The following TNKS variants were observed in gnomAD, a reference collection of about 807,000 sequenced individuals.
TNKS encodes tankyrase.
TNKS carries 72 observed loss-of-function variants against 135.8 expected under a neutral mutation model. That is an observed-to-expected ratio of 0.53 (90% CI 0.44 to 0.64). TNKS has a LOEUF of 0.64. TNKS is among the 30% of genes least tolerant of loss of function. The pLI, the probability that TNKS is intolerant of heterozygous loss-of-function variation, is 0.00. For missense variants in TNKS, 1,769 were observed against 1,674.0 expected (o/e 1.06, Z -0.99); for synonymous variants, 849 against 649.3 (o/e 1.31, Z -4.68).
At chr8:9,766,213 G>C (rs201216404) in intron 24 of TNKS, 26 bp from the exon 25 acceptor site, 2 of 1,579,464 alleles carry the variant, frequency 1.3e-6, no homozygotes, top group East Asian at 4.5e-5. Flanking sequence ...GTTCAAAAAC[G>C]AATCTTTCTG....
intron 3 of TNKS, among the ~76,000 whole-genome samples, chr8:9,657,535 C>A (rs1412695430): frequency 1.4e-5 from 1 of 70,066 alleles, no homozygotes; most frequent in African/African-American, 5.8e-5. Flanking sequence ...CTCCTCACTT[C>A]CCAGTAGGGG....
intron 3 of TNKS, among the ~76,000 whole-genome samples, chr8:9,674,602 C>G (rs561334296): frequency 2.6e-5 from 4 of 152,244 alleles, no homozygotes; most frequent in African/African-American, 9.6e-5. Flanking sequence ...TTACCTGTGC[C>G]TACTGAATAC....
intron 3 of TNKS, among the ~76,000 whole-genome samples, chr8:9,646,895 T>TA (rs1800938666): frequency 6.6e-6 from 1 of 152,144 alleles, no homozygotes; most frequent in South Asian, 2.1e-4. Flanking sequence ...AGAGCACTAT[T>TA]ATGCGACTTT....
chr8:9,636,347 T>C (rs12547639), intron 3 of TNKS, among the ~76,000 whole-genome samples: 127,228 of 152,180 alleles, frequency 0.84, 53,552 homozygotes, highest in Non-Finnish European at 0.89. Context: ...ATAAGTTATG[T>C]GGTCATGCCA....
At chr8:9,613,745 G>A (rs376364464) in intron 2 of TNKS, among the ~76,000 whole-genome samples, 3 of 152,250 alleles carry the variant, frequency 2.0e-5, no homozygotes, top group East Asian at 3.9e-4. Flanking sequence ...AACTGTAATG[G>A]CACATTTCTA....
At chr8:9,733,915 A>G (rs1045684156) in intron 15 of TNKS, among the ~76,000 whole-genome samples, 2 of 152,156 alleles carry the variant, frequency 1.3e-5, no homozygotes, top group Non-Finnish European at 2.9e-5. Context: ...AGTTGTTCAT[A>G]TAGATTTTAG....
At chr8:9,733,875 A>G (rs1477605206) in intron 15 of TNKS, among the ~76,000 whole-genome samples, 2 of 152,168 alleles carry the variant, frequency 1.3e-5, no homozygotes, top group East Asian at 3.8e-4. Flanking sequence ...GTAGTATCAG[A>G]TTTTTATTAA....
Position 9,701,474 on chromosome 8 carries a change from C to A in TNKS, c.1108-3189C>A, listed in dbSNP as rs140752203. ...TAGCTTGCTGACTTACTGACCAGTC[C>A]TCCAAAGCAGTCCTTGTCTGTGGAG... On this transcript the variant is annotated intron_variant, in intron 5 of 26. Transcript: ENST00000310430. Among the ~76,000 whole-genome samples, 497 of 152,272 alleles carry A rather than the reference C, an allele frequency of 3.3e-3. 15 individuals carry two copies. In the East Asian group the frequency reaches 0.071, roughly 22 times the overall value.
intron 1 of TNKS, among the ~76,000 whole-genome samples, chr8:9,576,596 A>G (rs1366254454): frequency 6.6e-6 from 1 of 150,924 alleles, no homozygotes; most frequent in Non-Finnish European, 1.5e-5. Context: ...TCCAGATGTC[A>G]TGAGAATTCA....
intron 3 of TNKS, among the ~76,000 whole-genome samples, chr8:9,640,664 C>T (rs1425675033): frequency 6.9e-6 from 1 of 145,790 alleles, no homozygotes; most frequent in Non-Finnish European, 1.5e-5. Context: ...AATTAAATTC[C>T]TTTTGAGAAA....
At chr8:9,562,888 G>C (rs1797393225) in intron 1 of TNKS, among the ~76,000 whole-genome samples, 1 of 150,734 alleles carries the variant, frequency 6.6e-6, no homozygotes, top group African/African-American at 2.4e-5. Flanking sequence ...TTCTATTACA[G>C]TATGTCTTGG....
chr8:9,760,405 A>T (rs1055924032), intron 20 of TNKS, among the ~76,000 whole-genome samples: 1 of 152,248 alleles, frequency 6.6e-6, no homozygotes, highest in African/African-American at 2.4e-5. Flanking sequence ...GATCAAACTC[A>T]TATTTTATTC....
chr8:9,691,276 G>A (rs1038438613), intron 5 of TNKS, among the ~76,000 whole-genome samples: 9 of 149,550 alleles, frequency 6.0e-5, no homozygotes, highest in Non-Finnish European at 8.9e-5. Flanking sequence ...TTCTTTTTTT[G>A]TCCTGCTATA....
At chr8:9,608,648 C>T (rs918298257) in intron 2 of TNKS, among the ~76,000 whole-genome samples, 3 of 152,136 alleles carry the variant, frequency 2.0e-5, no homozygotes, top group African/African-American at 7.2e-5. Flanking sequence ...ACATCTGGGG[C>T]CTGCTCTCTG....
At chr8:9,563,546 G>T (rs754873164) in intron 1 of TNKS, among the ~76,000 whole-genome samples, 1 of 152,144 alleles carries the variant, frequency 6.6e-6, no homozygotes, top group Non-Finnish European at 1.5e-5. Context: ...TGTATGGGTT[G>T]TAGTTTGCTG....
Position 9,735,238 on chromosome 8 carries a change from C to G in TNKS, c.2534-139C>G, listed in dbSNP as rs952392224. ...TTGTATAATTTCTTATTGTGAAGTC[C>G]CTCCATTATGTGATAACAGTATTAG... On this transcript the variant is annotated intron_variant, in intron 16 of 26. Transcript: ENST00000310430. 2.8e-6 allele frequency: 3 copies of G among 1,064,994 alleles called. No homozygotes were observed. The African/African-American group carries it at 4.8e-5, about 17-fold the overall frequency. The allele number at this position is 1,064,994 out of a possible 1,614,324, so 66.0% of individuals were successfully genotyped here.
chr8:9,763,211 A>G lies in TNKS; in HGVS notation c.3339A>G (p.Pro1113=). The change falls in exon 22 of 27, where the codon CCA becomes CCG. Residue 1113 remains proline (P), a synonymous_variant. Coordinates refer to ENST00000310430, the MANE Select transcript of TNKS (RefSeq NM_003747.3). ...NQGTILLDLA[P]EDKEYQSVEE... is the part of the protein sequence containing the mutation. ...GAACGATTTTGCTGGATCTTGCTCC[A>G]GAAGATAAAGAATATCAGTCAGTGG... The G allele has an allele frequency of 1.9e-6, 3 of 1,608,138 alleles. No individual in the cohort carries two copies. The highest frequency in any genetic ancestry group is 2.6e-6 in the Non-Finnish European group (3 of 1,176,090).
chr8:9,719,551 A>G (rs924803774), intron 11 of TNKS, among the ~76,000 whole-genome samples: 1 of 152,220 alleles, frequency 6.6e-6, no homozygotes, highest in Non-Finnish European at 1.5e-5. Context: ...TCTTCAAGAA[A>G]TCAAGGAAGA....
In TNKS at chr8:9,735,306, C is replaced by A. The variant is rs1350167049; in HGVS notation, c.2534-71C>A. Reference sequence around the variant, plus strand: ...ATTAAAACCTTAACATTTTCTGGTCCTTATTACATATGTATGTATTTTTTT... The same window carrying A: ...ATTAAAACCTTAACATTTTCTGGTCATTATTACATATGTATGTATTTTTTT... On this transcript the variant is annotated intron_variant, in intron 16 of 26. Transcript: ENST00000310430. The A allele has an allele frequency of 2.1e-6, 3 of 1,398,526 alleles. No homozygotes were observed. The Admixed American group carries it at 5.6e-5, about 26-fold the overall frequency. 86.6% of individuals were successfully genotyped at this position (1,398,526 alleles called of 1,614,324 possible).
Sources: gnomAD v4.1 joint callset for allele counts (sites outside exome capture counted in the v4.1 genomes callset) on GRCh38, gnomAD v4.1.1 for gene constraint, MANE v1.5 for transcripts, NCBI Gene and HGNC (gene_info 2026-07-23, HGNC 2026-07-21) for gene names.